The following SMURF1 variants were observed in gnomAD, a reference collection of about 807,000 sequenced individuals.
SMURF1 encodes the protein E3 ubiquitin-protein ligase SMURF1.
In SMURF1, 44 loss-of-function variants were observed where a neutral mutation model predicts 98.0. That is an observed-to-expected ratio of 0.45 (90% CI 0.35 to 0.58). The LOEUF is 0.58. SMURF1 is among the 20% of genes least tolerant of loss of function. The pLI is 0.00. For synonymous variants in SMURF1, 396 were observed against 374.9 expected (o/e 1.06, Z -0.65); for missense variants, 687 against 938.4 (o/e 0.73, Z 3.50).
chr7:99,120,168 T>C (rs1012327517), intron 1 of SMURF1, among the ~76,000 whole-genome samples: 1 of 152,188 alleles, frequency 6.6e-6, no homozygotes, highest in Non-Finnish European at 1.5e-5. Context: ...TCTTCCGCTA[T>C]GATTGGAAAC....
chr7:99,051,530 A>T, intron 7 of SMURF1, 89 bp from the exon 8 acceptor site: 1 of 1,000,178 alleles, frequency 1.0e-6, no homozygotes, highest in Non-Finnish European at 1.6e-6. Flanking sequence ...GTCTGGTATT[A>T]TCTAAATCTA....
At chr7:99,070,807 C>G (rs988603311) in intron 1 of SMURF1, among the ~76,000 whole-genome samples, 2 of 152,058 alleles carry the variant, frequency 1.3e-5, no homozygotes, top group East Asian at 3.9e-4. Flanking sequence ...TAACTGCCTG[C>G]TTGAATGAAT....
chr7:99,068,544 C>T (rs1796249030), intron 1 of SMURF1, among the ~76,000 whole-genome samples: 1 of 152,216 alleles, frequency 6.6e-6, no homozygotes, highest in African/African-American at 2.4e-5. Flanking sequence ...AAGTGATCCT[C>T]CTGCCTCAGC....
Position 99,081,759 on chromosome 7 carries a change from TCTC to T in SMURF1, c.56-19925_56-19923del, listed in dbSNP as rs902360621. Among the ~76,000 whole-genome samples the T allele has an allele frequency of 2.0e-4, 31 of 152,298 alleles. 1 individual carries two copies. The highest frequency in any genetic ancestry group is 1.7e-3 in the Admixed American group (26 of 15,300). ...TCTCTGCCTCCCAGGTTCAAGCTAT[TCTC>T]CTGCCTCAGCCTCCCGAGTAGCTGG... On this transcript the variant is annotated intron_variant, in intron 1 of 17. Coordinates refer to ENST00000361368, the MANE Select transcript of SMURF1 (RefSeq NM_181349.3).
Position 99,057,611 on chromosome 7 carries a change from T to G in SMURF1, c.204-60A>C, listed in dbSNP as rs558086297. 1,874 of 1,468,348 alleles carry G rather than the reference T, an allele frequency of 1.3e-3. 20 individuals are homozygous for G. The African/African-American group carries it at 0.02, about 16-fold the overall frequency. The allele number at this position is 1,468,348 out of a possible 1,614,324, so 91.0% of individuals were successfully genotyped here. On this transcript the variant is annotated intron_variant, in intron 3 of 17. Coordinates refer to ENST00000361368, the MANE Select transcript of SMURF1 (RefSeq NM_181349.3). ...GTTTGGTTTTTTTTGTTTTGTTTTT[T>G]TTTTTTTTTGAGATAGAATCCTGCT...
At chr7:99,043,204 G>A (rs1412235984) in intron 11 of SMURF1, among the ~76,000 whole-genome samples, 1 of 152,232 alleles carries the variant, frequency 6.6e-6, no homozygotes, top group Non-Finnish European at 1.5e-5. Flanking sequence ...TGTTCTGGAA[G>A]TGGTAAGGGA....
intron 1 of SMURF1, among the ~76,000 whole-genome samples, chr7:99,118,611 G>A (rs773707764): frequency 9.9e-5 from 15 of 152,194 alleles, no homozygotes; most frequent in Non-Finnish European, 2.1e-4. Flanking sequence ...GACAGAAGCA[G>A]ATTAGTAGTT....
intron 1 of SMURF1, 69 bp downstream of exon 1, chr7:99,143,657 C>T (rs982832006): frequency 8.6e-6 from 12 of 1,387,318 alleles, no homozygotes; most frequent in Non-Finnish European, 1.1e-5. Context: ...CTTCCAAGGG[C>T]GCCCTGCGGG....
chr7:99,058,198 G>GTTA (rs1029002894), intron 3 of SMURF1, among the ~76,000 whole-genome samples: 31 of 152,106 alleles, frequency 2.0e-4, no homozygotes, highest in Admixed American at 8.5e-4. Context: ...ATGGCGCAGT[G>GTTA]TTAGCTCACT....
At position 99,143,768 on chromosome 7, in the gene SMURF1, CG is replaced by C; in HGVS notation, c.12del (p.Thr6HisfsTer12). Reference sequence around the variant, plus strand: ...ATGCTGGAGCCGTTCCTGCGTGTCCCGGGGTTCGACATCTCCCGCCAACGAT... The same window carrying C: ...ATGCTGGAGCCGTTCCTGCGTGTCCCGGGTTCGACATCTCCCGCCAACGAT... MSN[P>X]GTRRNGSSIK... On this transcript the variant is annotated frameshift_variant, in exon 1 of 18. Transcript: ENST00000361368. LOFTEE classifies it high-confidence loss of function. The C allele has an allele frequency of 6.6e-7, 1 of 1,523,654 alleles. No individual in the cohort carries two copies. The highest frequency in any genetic ancestry group is 1.9e-5 in the Admixed American group (1 of 52,660). The allele number at this position is 1,523,654 out of a possible 1,614,324, so 94.4% of individuals were successfully genotyped here.
intron 1 of SMURF1, among the ~76,000 whole-genome samples, chr7:99,062,182 A>G (rs1430978522): frequency 2.0e-5 from 2 of 100,086 alleles, no homozygotes; most frequent in African/African-American, 5.3e-5. Context: ...GCAGCCTCGA[A>G]CTCCTGGGTG....
chr7:99,042,602 A>T (rs1795429117), intron 11 of SMURF1, among the ~76,000 whole-genome samples: 1 of 152,192 alleles, frequency 6.6e-6, no homozygotes. Flanking sequence ...AATTTCTTTA[A>T]TGTTTGCATC....
chr7:99,104,018 A>T (rs1405638772), intron 1 of SMURF1, among the ~76,000 whole-genome samples: 1 of 151,160 alleles, frequency 6.6e-6, no homozygotes, highest in Admixed American at 6.6e-5. Context: ...TCAGCCTCCC[A>T]AGGGATTACA....
rs59939979 is a variant in SMURF1 at position 99,040,293 on chromosome 7, A to G, written c.1550+85T>C. The G allele has an allele frequency of 9.2e-3, 11,369 of 1,240,714 alleles. 224 individuals are homozygous for G. The highest frequency in any genetic ancestry group is 0.079 in the East Asian group (2,785 of 35,114). 76.9% of individuals were successfully genotyped at this position (1,240,714 alleles called of 1,614,324 possible). A position where few individuals can be genotyped will look rare whatever the true frequency, so the allele number is the denominator to read the frequency against. On this transcript the variant is annotated intron_variant, in intron 13 of 17. Coordinates refer to ENST00000361368, the MANE Select transcript of SMURF1 (RefSeq NM_181349.3). ...ACACACATCCCCAAAATACACACAC[A>G]CGCGCGCGCGCGCGCACGCGCATAC...
At chr7:99,030,855 G>GATTTGTAATTTGT (rs1290421938) in intron 17 of SMURF1, 172 bp from the exon 18 acceptor site, 5 of 542,068 alleles carry the variant, frequency 9.2e-6, no homozygotes, top group Non-Finnish European at 1.6e-5. Flanking sequence ...CTAATACAAA[G>GATTTGTAATTTGT]ATTTGTAATT....
At chr7:99,102,870 A>G (rs1490133722) in intron 1 of SMURF1, among the ~76,000 whole-genome samples, 3 of 152,066 alleles carry the variant, frequency 2.0e-5, no homozygotes, top group African/African-American at 7.2e-5. Context: ...TCCGTCACCC[A>G]GGCTGGAGTA....
chr7:99,118,656 G>A (rs1797517782), intron 1 of SMURF1, among the ~76,000 whole-genome samples: 1 of 152,174 alleles, frequency 6.6e-6, no homozygotes, highest in South Asian at 2.1e-4. Flanking sequence ...GAAAGTGACT[G>A]CTAAATGAGT....
intron 1 of SMURF1, among the ~76,000 whole-genome samples, chr7:99,126,674 A>C (rs1797753559): frequency 6.6e-6 from 1 of 152,232 alleles, no homozygotes; most frequent in Admixed American, 6.5e-5. Flanking sequence ...AATTTAAAAA[A>C]ATTAAAAAGT....
chr7:99,065,043 A>G (rs769410780), intron 1 of SMURF1, among the ~76,000 whole-genome samples: 7 of 152,052 alleles, frequency 4.6e-5, no homozygotes, highest in Non-Finnish European at 1.0e-4. Context: ...AGTATCTTGA[A>G]TGTAGCATAT....
Sources: gnomAD v4.1 joint callset for allele counts (sites outside exome capture counted in the v4.1 genomes callset) on GRCh38, gnomAD v4.1.1 for gene constraint, MANE v1.5 for transcripts, NCBI Gene and HGNC (gene_info 2026-07-23, HGNC 2026-07-21) for gene names.